PRKAR2B: variants seen among roughly 807,000 people sequenced by gnomAD.
PRKAR2B encodes protein kinase cAMP-dependent type II regulatory subunit beta.
A neutral mutation model predicts 49.9 loss-of-function variants in PRKAR2B; 14 were observed. That is an observed-to-expected ratio of 0.28 (90% CI 0.19 to 0.44). The LOEUF is 0.44. Among genes scored for constraint, PRKAR2B ranks in the 20% least tolerant of loss-of-function variants. The pLI is 1.00. For missense variants in PRKAR2B, 393 were observed against 537.9 expected (o/e 0.73, Z 2.67); for synonymous variants, 196 against 197.7 (o/e 0.99, Z 0.07).
chr7:107,139,937 T>C (rs1218752409), intron 4 of PRKAR2B, among the ~76,000 whole-genome samples: 1 of 152,234 alleles, frequency 6.6e-6, no homozygotes, highest in Admixed American at 6.5e-5. Flanking sequence ...GCATTATACC[T>C]TCTGTATGCC....
intron 4 of PRKAR2B, 47 bp downstream of exon 4, chr7:107,128,342 TGACAG>T: frequency 7.1e-7 from 1 of 1,411,662 alleles, no homozygotes; most frequent in African/African-American, 1.4e-5. Context: ...TTTCCCCCAG[TGACAG>T]TGTCAAGAAC....
intron 2 of PRKAR2B, among the ~76,000 whole-genome samples, chr7:107,121,664 G>C (rs1795391607): frequency 6.6e-6 from 1 of 152,032 alleles, no homozygotes; most frequent in Non-Finnish European, 1.5e-5. Context: ...GTAATGTTTA[G>C]ATATCATGCC....
At chr7:107,083,219 AAAAAAAAAAAATAGAGTTT>A (rs1182978795) in intron 2 of PRKAR2B, among the ~76,000 whole-genome samples, 3 of 151,998 alleles carry the variant, frequency 2.0e-5, no homozygotes, top group African/African-American at 7.2e-5. Flanking sequence ...TGTCTCAAAA[AAAAAAAAAAAATAGAGTTT>A]ATAATTCCCA....
At chr7:107,048,492 G>C (rs887439614) in intron 1 of PRKAR2B, among the ~76,000 whole-genome samples, 1 of 152,140 alleles carries the variant, frequency 6.6e-6, no homozygotes, top group African/African-American at 2.4e-5. Flanking sequence ...ATTTATGAGA[G>C]GTTGGAGTTA....
chr7:107,073,158 A>G (rs1376700536), intron 2 of PRKAR2B, among the ~76,000 whole-genome samples: 1 of 152,184 alleles, frequency 6.6e-6, no homozygotes, highest in African/African-American at 2.4e-5. Flanking sequence ...ATCAAACATA[A>G]ATATTTCAAA....
Position 107,045,363 on chromosome 7 carries a change from C to T in PRKAR2B, c.307+149C>T, listed in dbSNP as rs867128543. The T allele has an allele frequency of 5.9e-6, 4 of 675,408 alleles. No homozygotes were observed. The South Asian group carries it at 8.1e-5, about 14-fold the overall frequency. The allele number at this position is 675,408 out of a possible 1,614,324, so 41.8% of individuals were successfully genotyped here. On this transcript the variant is annotated intron_variant, in intron 1 of 10. Transcript: ENST00000265717. ...TACCTTCCCATCTCGCCCACCCCCT[C>T]AGCATCCATTTCTGTCTCTCCCACT...
At chr7:107,090,682 CTG>C (rs1202000996) in intron 2 of PRKAR2B, among the ~76,000 whole-genome samples, 1 of 152,304 alleles carries the variant, frequency 6.6e-6, no homozygotes, top group East Asian at 1.9e-4. Context: ...GTTTGCAAAT[CTG>C]AGAAAACTGA....
chr7:107,052,319 G>A (rs1584400784), intron 1 of PRKAR2B, among the ~76,000 whole-genome samples: 1 of 152,280 alleles, frequency 6.6e-6, no homozygotes, highest in East Asian at 1.9e-4. Context: ...TTGGGAGGCT[G>A]AAGCAGGAGA....
At chr7:107,125,459 A>G (rs533428798) in intron 3 of PRKAR2B, among the ~76,000 whole-genome samples, 31 of 152,358 alleles carry the variant, frequency 2.0e-4, no homozygotes, top group African/African-American at 7.2e-4. Context: ...AGTGGCCTCT[A>G]GTACACTAAA....
At chr7:107,046,281 T>C (rs1240750203) in intron 1 of PRKAR2B, among the ~76,000 whole-genome samples, 1 of 152,206 alleles carries the variant, frequency 6.6e-6, no homozygotes, top group Admixed American at 6.5e-5. Flanking sequence ...AAGGCAAACA[T>C]GCATGCAGCA....
At position 107,157,326 on chromosome 7, in the gene PRKAR2B, T is replaced by C; in HGVS notation, c.1123+2T>C. On this transcript the variant is annotated splice_donor_variant, in intron 10 of 10. Transcript: ENST00000265717. LOFTEE classifies it high-confidence loss of function. ...CCATTGGGACTGTCAAATGTTTAGG[T>C]AGGGATTGCAACAGTGGGCGTGCTT... 6.2e-7 allele frequency: 1 copy of C among 1,611,116 alleles called. No individual in the cohort carries two copies. Among genetic ancestry groups the C allele is most frequent in the Non-Finnish European group, 8.5e-7 (1 of 1,178,736 alleles).
intron 2 of PRKAR2B, among the ~76,000 whole-genome samples, chr7:107,107,594 C>G (rs6955387): frequency 0.53 from 79,635 of 151,234 alleles, 22,399 homozygotes; most frequent in South Asian, 0.62. Context: ...TGTGAAGAAA[C>G]TCAATTATGA....
chr7:107,126,166 G>A (rs1795483540), intron 3 of PRKAR2B, among the ~76,000 whole-genome samples: 1 of 149,430 alleles, frequency 6.7e-6, no homozygotes, highest in Non-Finnish European at 1.5e-5. Flanking sequence ...GGCTGAACTG[G>A]GCAAATCACG....
At chr7:107,105,202 A>G (rs1446910079) in intron 2 of PRKAR2B, among the ~76,000 whole-genome samples, 2 of 152,310 alleles carry the variant, frequency 1.3e-5, no homozygotes, top group South Asian at 2.1e-4. Context: ...TCTGAAACAG[A>G]GGACTACTTG....
Position 107,157,021 on chromosome 7 carries a change from G to C in PRKAR2B, c.956G>C (p.Gly319Ala). The C allele has an allele frequency of 6.2e-7, 1 of 1,612,484 alleles. No individual in the cohort carries two copies. The highest frequency in any genetic ancestry group is 8.5e-7 in the Non-Finnish European group (1 of 1,178,566). The change falls in exon 9 of 11, where the codon GGA becomes GCA. Residue 319 changes from glycine to alanine, a missense_variant. By Grantham distance (60) the Gly-to-Ala change is moderately conservative (BLOSUM62 0). Around this residue, in one of 2 missense-constraint regions of PRKAR2B, gnomAD observed 233 missense variants for 390.4 expected, o/e 0.60. Transcript: ENST00000265717. ...GATTCTTTTTTCATTGTAGAATCTG[G>C]AGAAGTGAAAATTACTATGAAAAGA... ...SADSFFIVES[G>A]EVKITMKRKG...
intron 4 of PRKAR2B, among the ~76,000 whole-genome samples, chr7:107,136,614 C>G (rs757802825): frequency 1.3e-5 from 2 of 152,184 alleles, no homozygotes; most frequent in Non-Finnish European, 2.9e-5. Context: ...TGAGATAGTA[C>G]TACACATCTA....
intron 2 of PRKAR2B, among the ~76,000 whole-genome samples, chr7:107,108,348 C>T (rs1795115584): frequency 6.6e-6 from 1 of 152,154 alleles, no homozygotes; most frequent in Admixed American, 6.5e-5. Flanking sequence ...GCAAAGACAA[C>T]AGATGTGAAA....
At chr7:107,105,808 A>G (rs1436996493) in intron 2 of PRKAR2B, among the ~76,000 whole-genome samples, 1 of 152,140 alleles carries the variant, frequency 6.6e-6, no homozygotes, top group Non-Finnish European at 1.5e-5. Flanking sequence ...GGCATTCCAG[A>G]CACTGATCTT....
At chr7:107,048,944 C>A (rs1306879702) in intron 1 of PRKAR2B, among the ~76,000 whole-genome samples, 1 of 152,212 alleles carries the variant, frequency 6.6e-6, no homozygotes, top group East Asian at 1.9e-4. Flanking sequence ...ATAATGGAAA[C>A]CTCTTGGCAT....
Sources: allele counts gnomAD v4.1 joint callset (sites outside exome capture counted in the v4.1 genomes callset), GRCh38; gene constraint gnomAD v4.1.1; regional missense constraint gnomAD v4.1.1; transcripts MANE v1.5; gene names NCBI Gene and HGNC (gene_info 2026-07-23, HGNC 2026-07-21).